FBXW7: variants seen among roughly 807,000 people sequenced by gnomAD.
The protein encoded by FBXW7 is F-box/WD repeat-containing protein 7.
Under a neutral mutation model 86.3 loss-of-function variants are expected in FBXW7, and 11 were observed. That is an observed-to-expected ratio of 0.13 (90% CI 0.08 to 0.21). The LOEUF (loss-of-function observed/expected upper bound fraction) is 0.21. FBXW7 is among the 10% of genes least tolerant of loss of function. The pLI is 1.00. For synonymous variants in FBXW7, 313 were observed against 297.9 expected, an observed-to-expected ratio of 1.05 and a Z score of -0.52; for missense variants, 488 against 847.4, an observed-to-expected ratio of 0.58 and a Z score of 5.27.
At chr4:152,330,162 CAATT>C (rs1254312425) in intron 9 of FBXW7, among the ~76,000 whole-genome samples, 2 of 151,680 alleles carry the variant, frequency 1.3e-5, no homozygotes, top group Non-Finnish European at 3.0e-5. Flanking sequence ...CAAAGAGTAA[CAATT>C]ATTAGCATTC....
At chr4:152,368,583 A>G (rs1233223869) in intron 4 of FBXW7, among the ~76,000 whole-genome samples, 1 of 152,118 alleles carries the variant, frequency 6.6e-6, no homozygotes, top group African/African-American at 2.4e-5. Flanking sequence ...ATGATATATC[A>G]GGTACCATTT....
chr4:152,352,266 C>T (rs1300864037), intron 4 of FBXW7, among the ~76,000 whole-genome samples: 1 of 152,118 alleles, frequency 6.6e-6, no homozygotes, highest in African/African-American at 2.4e-5. Context: ...TTAAAATATA[C>T]ATTTTATCTT....
intron 2 of FBXW7, among the ~76,000 whole-genome samples, chr4:152,484,816 A>G (rs930017267): frequency 2.0e-5 from 3 of 151,888 alleles, no homozygotes; most frequent in Non-Finnish European, 4.4e-5. Flanking sequence ...ACAAAAATTA[A>G]CCAGCCATGG....
At chr4:152,406,200 A>G (rs987068822) in intron 4 of FBXW7, among the ~76,000 whole-genome samples, 1 of 152,240 alleles carries the variant, frequency 6.6e-6, no homozygotes, top group Non-Finnish European at 1.5e-5. Context: ...GAAGTTTATC[A>G]TCTGTATAAA....
chr4:152,506,186 C>T (rs1239826643), intron 2 of FBXW7, among the ~76,000 whole-genome samples: 1 of 151,564 alleles, frequency 6.6e-6, no homozygotes, highest in Non-Finnish European at 1.5e-5. Flanking sequence ...GGCGGGAGTG[C>T]GGTGGCACGA....
In FBXW7 at chr4:152,460,639, T is replaced by A. The variant is rs72721628; in HGVS notation, c.-119-48110A>T. On this transcript the variant is annotated intron_variant, in intron 2 of 13. Coordinates refer to ENST00000281708, the MANE Select transcript of FBXW7 (RefSeq NM_001349798.2). ...CAGCTGAATATACCATATCCATGGC[T>A]AGAGGTCGCCATTGTTTCTGGTAAG... 4.0e-3 allele frequency among the ~76,000 whole-genome samples: 617 copies of A among 152,386 alleles called. 6 individuals carry two copies. The highest frequency in any genetic ancestry group is 7.5e-3 in the Non-Finnish European group (512 of 68,036).
intron 2 of FBXW7, among the ~76,000 whole-genome samples, chr4:152,428,633 A>G (rs1739596096): frequency 6.6e-6 from 1 of 152,238 alleles, no homozygotes; most frequent in African/African-American, 2.4e-5. Context: ...TGCTGTAACA[A>G]TGAAATCACA....
intron 2 of FBXW7, among the ~76,000 whole-genome samples, chr4:152,505,526 T>A (rs922086987): frequency 3.9e-5 from 6 of 152,182 alleles, no homozygotes; most frequent in East Asian, 1.9e-4. Flanking sequence ...TTAAAAAAAA[T>A]TTTTTTAACT....
intron 2 of FBXW7, among the ~76,000 whole-genome samples, chr4:152,503,879 G>A (rs142561780): frequency 2.6e-5 from 4 of 152,250 alleles, no homozygotes; most frequent in Admixed American, 2.6e-4. Context: ...AAAGCCCTAT[G>A]TAAAGAGTTG....
chr4:152,356,598 A>G (rs996982739), intron 4 of FBXW7, among the ~76,000 whole-genome samples: 2 of 152,216 alleles, frequency 1.3e-5, no homozygotes, highest in African/African-American at 4.8e-5. Context: ...CAGACAGTTC[A>G]AAATTACAGA....
chr4:152,330,232 T>C (rs1729424688), intron 9 of FBXW7, among the ~76,000 whole-genome samples: 1 of 151,932 alleles, frequency 6.6e-6, no homozygotes, highest in African/African-American at 2.4e-5. Flanking sequence ...TCTCCCCAAA[T>C]TGGTTTTTTC....
chr4:152,521,561 T>C (rs1248554166), intron 2 of FBXW7, among the ~76,000 whole-genome samples: 1 of 152,114 alleles, frequency 6.6e-6, no homozygotes. Flanking sequence ...CCAAAGATAA[T>C]ACACAACCCT....
At chr4:152,385,700 T>C (rs958371192) in intron 4 of FBXW7, among the ~76,000 whole-genome samples, 82 of 152,178 alleles carry the variant, frequency 5.4e-4, no homozygotes, top group African/African-American at 1.9e-3. Context: ...TTTTAGTGGA[T>C]ACCAAGTTTT....
At chr4:152,498,768 T>C (rs1437116925) in intron 2 of FBXW7, among the ~76,000 whole-genome samples, 2 of 151,836 alleles carry the variant, frequency 1.3e-5, no homozygotes, top group Non-Finnish European at 2.9e-5. Context: ...ATAGTGGAGC[T>C]CAAGCCAAGT....
At chr4:152,335,378 G>C (rs901902880) in intron 7 of FBXW7, among the ~76,000 whole-genome samples, 3 of 151,842 alleles carry the variant, frequency 2.0e-5, no homozygotes, top group Non-Finnish European at 4.4e-5. Context: ...TAACATAGGA[G>C]AATCATTTGA....
At chr4:152,452,088 A>G (rs555390795) in intron 2 of FBXW7, among the ~76,000 whole-genome samples, 18 of 152,316 alleles carry the variant, frequency 1.2e-4, no homozygotes, top group African/African-American at 4.3e-4. Context: ...TGAATGCAAA[A>G]GCAGATATGA....
intron 6 of FBXW7, among the ~76,000 whole-genome samples, chr4:152,338,523 T>C (rs1181439235): frequency 1.3e-5 from 2 of 151,572 alleles, no homozygotes; most frequent in Non-Finnish European, 2.9e-5. Context: ...CAATAGAAAA[T>C]AGTAGCTGAT....
At chr4:152,334,015 T>C (rs754166803) in intron 7 of FBXW7, among the ~76,000 whole-genome samples, 1 of 151,946 alleles carries the variant, frequency 6.6e-6, no homozygotes, top group African/African-American at 2.4e-5. Flanking sequence ...GATCACGTCG[T>C]TGCACTCCAG....
intron 2 of FBXW7, among the ~76,000 whole-genome samples, chr4:152,448,453 T>G (rs562973285): frequency 6.6e-6 from 1 of 152,324 alleles, no homozygotes; most frequent in South Asian, 2.1e-4. Flanking sequence ...TGTAGTTACC[T>G]TTGGTTGCCT....
Sources: gnomAD v4.1 joint callset for allele counts (sites outside exome capture counted in the v4.1 genomes callset) on GRCh38, gnomAD v4.1.1 for gene constraint, MANE v1.5 for transcripts, NCBI Gene and HGNC (gene_info 2026-07-23, HGNC 2026-07-21) for gene names.